Variants in ZNF423 observed in about 807,000 individuals in gnomAD.
ZNF423 encodes the protein Ebf-associated zinc finger protein.
ZNF423 carries 12 observed loss-of-function variants against 95.8 expected under a neutral mutation model. The ratio of observed to expected loss-of-function variants is 0.13; its 90% CI spans 0.08 to 0.20. ZNF423 has a LOEUF of 0.20. ZNF423 is among the 10% of genes least tolerant of loss of function. The pLI, the probability that ZNF423 is intolerant of heterozygous loss-of-function variation, is 1.00. For missense variants in ZNF423, 1,316 were observed against 1,737.1 expected, an observed-to-expected ratio of 0.76 and a Z score of 4.31; for synonymous variants, 749 against 711.9, an observed-to-expected ratio of 1.05 and a Z score of -0.83.
chr16:49,564,489 C>A (rs1329654400), intron 5 of ZNF423, among the ~76,000 whole-genome samples: 2 of 152,190 alleles, frequency 1.3e-5, no homozygotes, highest in Non-Finnish European at 2.9e-5. Flanking sequence ...TTTCTCAACA[C>A]AAGAGAAGAC....
intron 3 of ZNF423, among the ~76,000 whole-genome samples, chr16:49,693,740 C>T (rs764401234): frequency 1.5e-4 from 23 of 152,068 alleles, no homozygotes; most frequent in Admixed American, 1.2e-3. Flanking sequence ...TTGGGGCCAC[C>T]GGAGGAAGGG....
intron 3 of ZNF423, among the ~76,000 whole-genome samples, chr16:49,698,799 C>T (rs2032068109): frequency 6.6e-6 from 1 of 152,220 alleles, no homozygotes; most frequent in African/African-American, 2.4e-5. Flanking sequence ...GCCGCCGGAG[C>T]CGCCTGCATC....
At chr16:49,778,716 A>C (rs1244633287) in intron 2 of ZNF423, among the ~76,000 whole-genome samples, 1 of 152,240 alleles carries the variant, frequency 6.6e-6, no homozygotes, top group Non-Finnish European at 1.5e-5. Context: ...GAAAGGCAGG[A>C]AGCTGTGACG....
intron 5 of ZNF423, among the ~76,000 whole-genome samples, chr16:49,556,793 A>G (rs1378888597): frequency 1.3e-5 from 2 of 152,240 alleles, no homozygotes; most frequent in African/African-American, 4.8e-5. Flanking sequence ...TAGCTCCTGT[A>G]TTTATAGTAA....
At chr16:49,849,060 C>T (rs2035274918) in intron 1 of ZNF423, among the ~76,000 whole-genome samples, 1 of 152,218 alleles carries the variant, frequency 6.6e-6, no homozygotes, top group Admixed American at 6.5e-5. Context: ...TTTTCTCCTC[C>T]TGTTCAGTAG....
chr16:49,802,244 C>T (rs147944668), intron 1 of ZNF423, among the ~76,000 whole-genome samples: 25 of 152,250 alleles, frequency 1.6e-4, no homozygotes, highest in Non-Finnish European at 2.8e-4. Context: ...TAGGACTGGA[C>T]TCTCACTCTC....
intron 7 of ZNF423, 124 bp from the exon 8 acceptor site, chr16:49,491,428 G>A (rs1217309836): frequency 7.2e-6 from 9 of 1,257,996 alleles, no homozygotes; most frequent in Non-Finnish European, 9.1e-6. Flanking sequence ...AAAACAAAAT[G>A]CAACAAGGAA....
intron 3 of ZNF423, among the ~76,000 whole-genome samples, chr16:49,655,950 G>T (rs910804880): frequency 2.0e-5 from 3 of 152,152 alleles, no homozygotes; most frequent in Non-Finnish European, 4.4e-5. Context: ...GTGGGGTTTT[G>T]TTCATCGGGT....
chr16:49,827,330 C>T (rs1423242179), intron 1 of ZNF423, among the ~76,000 whole-genome samples: 3 of 151,906 alleles, frequency 2.0e-5, no homozygotes, highest in East Asian at 3.9e-4. Context: ...CCTGAGCCCT[C>T]GTCTCTGACA....
intron 3 of ZNF423, among the ~76,000 whole-genome samples, chr16:49,666,199 T>C (rs2030536555): frequency 6.6e-6 from 1 of 152,230 alleles, no homozygotes; most frequent in African/African-American, 2.4e-5. Context: ...TTGTTCTAAT[T>C]ATCTAAACAT....
intron 1 of ZNF423, among the ~76,000 whole-genome samples, chr16:49,830,743 C>A (rs929461033): frequency 6.6e-6 from 1 of 152,146 alleles, no homozygotes; most frequent in Non-Finnish European, 1.5e-5. Flanking sequence ...ATGAGTTGAG[C>A]AGGACAGAGC....
intron 5 of ZNF423, among the ~76,000 whole-genome samples, chr16:49,538,775 TCCAGG>T (rs1218614544): frequency 6.6e-6 from 1 of 152,224 alleles, no homozygotes; most frequent in Non-Finnish European, 1.5e-5. Context: ...GCCTCTGTCC[TCCAGG>T]CCACAATTTT....
chr16:49,624,396 CA>C (rs1481517831), intron 5 of ZNF423, among the ~76,000 whole-genome samples: 1 of 151,824 alleles, frequency 6.6e-6, no homozygotes, highest in African/African-American at 2.4e-5. Flanking sequence ...ACTAAAAGTA[CA>C]AAAAAATTAG....
chr16:49,698,339 C>CA (rs956873288), intron 3 of ZNF423, among the ~76,000 whole-genome samples: 18 of 149,704 alleles, frequency 1.2e-4, no homozygotes, highest in Non-Finnish European at 2.1e-4. Context: ...CTAAGAATGC[C>CA]AGGGGGTTAG....
intron 5 of ZNF423, among the ~76,000 whole-genome samples, chr16:49,600,943 G>T (rs1971351778): frequency 6.6e-6 from 1 of 152,118 alleles, no homozygotes. Flanking sequence ...GGGGTTCTCG[G>T]GTGGATGCAT....
intron 5 of ZNF423, among the ~76,000 whole-genome samples, chr16:49,571,643 C>T (rs967256023): frequency 6.6e-6 from 1 of 152,136 alleles, no homozygotes; most frequent in African/African-American, 2.4e-5. Flanking sequence ...GACAGGGAGA[C>T]ACATTCAGAA....
At chr16:49,701,605 G>C (rs924512672) in intron 3 of ZNF423, among the ~76,000 whole-genome samples, 1 of 152,094 alleles carries the variant, frequency 6.6e-6, no homozygotes, top group Non-Finnish European at 1.5e-5. Context: ...AGAGGGGCAC[G>C]GCAGAGGTGT....
At chr16:49,540,362 T>A (rs956003837) in intron 5 of ZNF423, among the ~76,000 whole-genome samples, 2 of 152,130 alleles carry the variant, frequency 1.3e-5, no homozygotes, top group Non-Finnish European at 2.9e-5. Flanking sequence ...GCAGTCTCCA[T>A]CTCTCAGGCT....
chr16:49,530,762 C>T (rs1208136324), intron 5 of ZNF423, among the ~76,000 whole-genome samples: 3 of 152,182 alleles, frequency 2.0e-5, no homozygotes, highest in Non-Finnish European at 4.4e-5. Context: ...GAGAGGCTCC[C>T]TCAGCTGACA....
Sources: allele counts gnomAD v4.1 joint callset (sites outside exome capture counted in the v4.1 genomes callset), GRCh38; gene constraint gnomAD v4.1.1; transcripts MANE v1.5; gene names NCBI Gene and HGNC (gene_info 2026-07-23, HGNC 2026-07-21).